SLC35A5: variants seen among roughly 807,000 people sequenced by gnomAD.
The protein encoded by SLC35A5 is UDP-sugar transporter protein SLC35A5.
Under a neutral mutation model 36.3 loss-of-function variants are expected in SLC35A5, and 28 were observed. The observed-to-expected ratio is 0.77, with a 90% confidence interval of 0.57 to 1.06. The LOEUF (loss-of-function observed/expected upper bound fraction) is 1.06. Among genes scored for constraint, SLC35A5 ranks in the 50% least tolerant of loss-of-function variants. SLC35A5 has a pLI of 0.00. For synonymous variants in SLC35A5, 180 were observed against 173.7 expected, an observed-to-expected ratio of 1.04 and a Z score of -0.29; for missense variants, 521 against 499.3, an observed-to-expected ratio of 1.04 and a Z score of -0.41.
chr3:112,581,529 A>G (rs1159480072), intron 6 of SLC35A5, among the ~76,000 whole-genome samples: 7 of 152,186 alleles, frequency 4.6e-5, no homozygotes, highest in African/African-American at 1.7e-4. Flanking sequence ...GAGAAAAAGT[A>G]TAAGTCAATC....
chr3:112,580,598 A>G lies in SLC35A5; in HGVS notation c.481A>G (p.Ile161Val), dbSNP rs750912504. The G allele has an allele frequency of 3.8e-5, 62 of 1,613,842 alleles. No homozygotes were observed. The highest frequency in any genetic ancestry group is 5.0e-5 in the Non-Finnish European group (59 of 1,179,940). The change falls in exon 6 of 7, where the codon ATT (isoleucine) becomes GTT (valine). Residue 161 changes from isoleucine to valine, a missense_variant. Physicochemically the swap from Ile to Val is conservative, Grantham distance 29. Coordinates refer to ENST00000492406, the MANE Select transcript of SLC35A5 (RefSeq NM_017945.5). ...WASLLTLFLS[I>V]VALTAGTKTL... The stretch of plus-strand genomic sequence containing the variant: ...TTCCCTCCTGACTTTATTTTTGTCT[A>G]TTGTGGCCTTGACTGCCGGGACTAA...
chr3:112,561,747 A>T (rs1559851964), upstream of SLC35A5: 9 of 546,952 alleles, frequency 1.6e-5, no homozygotes, highest in South Asian at 2.0e-4. Context: ...CTCGCACCCC[A>T]GGCAGCCCGC....
chr3:112,569,662 T>G (rs1381450742), intron 3 of SLC35A5, among the ~76,000 whole-genome samples: 3 of 152,216 alleles, frequency 2.0e-5, no homozygotes, highest in Non-Finnish European at 4.4e-5. Flanking sequence ...TGCACAGGCA[T>G]CAAAGAGACT....
intron 5 of SLC35A5, among the ~76,000 whole-genome samples, chr3:112,579,533 C>T (rs1934809156): frequency 6.6e-6 from 1 of 152,048 alleles, no homozygotes; most frequent in African/African-American, 2.4e-5. Context: ...ATTGTACATT[C>T]TTGTTGCCTT....
intron 5 of SLC35A5, among the ~76,000 whole-genome samples, chr3:112,576,469 A>G (rs577149668): frequency 1.4e-4 from 21 of 151,754 alleles, no homozygotes; most frequent in African/African-American, 4.4e-4. Flanking sequence ...TGTTAAGTCT[A>G]TTCATGTTGT....
At position 112,585,458 on chromosome 3, in the gene SLC35A5, T is replaced by C. The variant is rs182323468; in HGVS notation, c.*2722T>C. 3.9e-5 allele frequency: 6 copies of C among 152,176 alleles called. No individual in the cohort carries two copies. Among genetic ancestry groups the C allele is most frequent in the African/African-American group, 1.4e-4 (6 of 41,426 alleles). 9.4% of individuals were successfully genotyped at this position (152,176 alleles called of 1,614,324 possible). ...ATGTATTGGGTACAATGTTCACTGT[T>C]TGAGTGATGGGTCCACTAGAAGCCC... On this transcript the variant is annotated 3_prime_UTR_variant, in exon 7 of 7. Transcript: ENST00000492406.
At chr3:112,571,683 TAC>T (rs1182993460) in intron 4 of SLC35A5, among the ~76,000 whole-genome samples, 1 of 152,160 alleles carries the variant, frequency 6.6e-6, no homozygotes. Flanking sequence ...AGTCATGTCT[TAC>T]ATGGCAGCAG....
upstream of SLC35A5, chr3:112,561,925 G>A (rs937759911): frequency 5.3e-5 from 12 of 224,974 alleles, no homozygotes; most frequent in Non-Finnish European, 9.7e-5. Context: ...TCACTCTCTT[G>A]CCGTAGCTGC....
chr3:112,564,793 G>A (rs369535380), intron 2 of SLC35A5, among the ~76,000 whole-genome samples: 1 of 152,192 alleles, frequency 6.6e-6, no homozygotes, highest in East Asian at 1.9e-4. Flanking sequence ...TTAGGGAGTG[G>A]TGATGACTCT....
At chr3:112,573,989 C>T in intron 5 of SLC35A5, 33 bp downstream of exon 5, 1 of 1,548,700 alleles carries the variant, frequency 6.5e-7, no homozygotes, top group Non-Finnish European at 8.9e-7. Flanking sequence ...ATATATCATA[C>T]TTTAAAATAA....
At chr3:112,572,376 C>T (rs960315173) in intron 4 of SLC35A5, among the ~76,000 whole-genome samples, 6 of 152,082 alleles carry the variant, frequency 3.9e-5, no homozygotes, top group African/African-American at 1.4e-4. Flanking sequence ...GCCAGGTGAT[C>T]ACCTGAAGTT....
upstream of SLC35A5, chr3:112,561,651 C>CGAGGG (rs934212619): frequency 3.9e-5 from 39 of 1,003,644 alleles, no homozygotes; most frequent in African/African-American, 5.0e-5. Flanking sequence ...TGGCAGCACC[C>CGAGGG]GAGGGGACGG....
chr3:112,569,748 TGTAAA>T (rs1219336797), intron 3 of SLC35A5, among the ~76,000 whole-genome samples: 1 of 152,062 alleles, frequency 6.6e-6, no homozygotes, highest in Non-Finnish European at 1.5e-5. Context: ...CTTTCTCAAA[TGTAAA>T]GTATATAGCC....
intron 2 of SLC35A5, among the ~76,000 whole-genome samples, chr3:112,564,685 G>C (rs1034885699): frequency 2.0e-5 from 3 of 152,192 alleles, no homozygotes; most frequent in Admixed American, 6.5e-5. Flanking sequence ...CCATATTTCA[G>C]ACTATCACAT....
At chr3:112,561,825 G>A (rs1460509921), upstream of SLC35A5, 12 of 408,442 alleles carry the variant, frequency 2.9e-5, no homozygotes, top group Non-Finnish European at 4.8e-5. Context: ...GACCTGAGGT[G>A]AGAAGCGGAC....
rs778346423 is a variant in SLC35A5 at position 112,583,568 on chromosome 3, C to G, written c.*832C>G. ...CATTTTATTTTATTAGTTACTAATT[C>G]AAGCTGTGACTATTGTATATCTTTC... On this transcript the variant is annotated 3_prime_UTR_variant, in exon 7 of 7. Transcript: ENST00000492406. 6 of 154,392 alleles carry G rather than the reference C, an allele frequency of 3.9e-5. No homozygotes were observed. Among genetic ancestry groups the G allele is most frequent in the Non-Finnish European group, 8.6e-5 (6 of 69,734 alleles). The allele number at this position is 154,392 out of a possible 1,614,324, so 9.6% of individuals were successfully genotyped here. A position where few individuals can be genotyped will look rare whatever the true frequency, so the allele number is the denominator to read the frequency against.
At chr3:112,571,923 G>GTTTT (rs58561218) in intron 4 of SLC35A5, among the ~76,000 whole-genome samples, 6 of 53,854 alleles carry the variant, frequency 1.1e-4, no homozygotes, top group East Asian at 6.2e-4. Context: ...ACTTTCCACA[G>GTTTT]TTTTTTTTTT....
intron 4 of SLC35A5, among the ~76,000 whole-genome samples, chr3:112,572,193 C>T (rs1053488302): frequency 7.9e-5 from 12 of 151,360 alleles, no homozygotes; most frequent in African/African-American, 1.2e-4. Context: ...CCACCCGCCT[C>T]GGCCTCCCAA....
At chr3:112,563,606 T>C (rs920845992) in intron 2 of SLC35A5, 73 bp downstream of exon 2, 8 of 1,372,020 alleles carry the variant, frequency 5.8e-6, no homozygotes, top group Non-Finnish European at 7.7e-6. Flanking sequence ...TTTGGTTCTG[T>C]TATATATAAC....
Sources: gnomAD v4.1 joint callset for allele counts (sites outside exome capture counted in the v4.1 genomes callset) on GRCh38, gnomAD v4.1.1 for gene constraint, MANE v1.5 for transcripts, NCBI Gene and HGNC (gene_info 2026-07-23, HGNC 2026-07-21) for gene names.